Variants in CEP135 observed in about 807,000 individuals in gnomAD.
The protein encoded by CEP135 is centrosomal protein 135.
A neutral mutation model predicts 157.3 loss-of-function variants in CEP135; 142 were observed. The ratio of observed to expected loss-of-function variants is 0.90; its 90% CI spans 0.79 to 1.04. The LOEUF is 1.04. Ranked by LOEUF, CEP135 falls within the 50% of genes least tolerant of loss-of-function variation. CEP135 has a pLI of 0.00. For missense variants in CEP135, 1,317 were observed against 1,309.2 expected (o/e 1.01, Z -0.09); for synonymous variants, 396 against 439.8 (o/e 0.90, Z 1.25).
At chr4:56,011,012 T>C (rs958437418) in intron 19 of CEP135, among the ~76,000 whole-genome samples, 18 of 152,050 alleles carry the variant, frequency 1.2e-4, no homozygotes, top group African/African-American at 4.1e-4. Context: ...AGTGGGAGGA[T>C]TGCTTGAGCC....
chr4:56,011,557 AGG>A, intron 20 of CEP135, 35 bp downstream of exon 20: 1 of 1,320,630 alleles, frequency 7.6e-7, no homozygotes, highest in Non-Finnish European at 1.1e-6. Context: ...TTTAAGACTG[AGG>A]TTTTTTTTTT....
intron 1 of CEP135, among the ~76,000 whole-genome samples, chr4:55,949,534 A>G (rs1172057577): frequency 2.6e-5 from 4 of 152,174 alleles, no homozygotes; most frequent in Non-Finnish European, 4.4e-5. Flanking sequence ...TGAGTTCAAT[A>G]AGAAAGGACT....
chr4:56,020,891 A>C (rs1730953010), intron 24 of CEP135, 111 bp downstream of exon 24: 1 of 725,496 alleles, frequency 1.4e-6, no homozygotes, highest in South Asian at 2.2e-5. Context: ...AAGCTAATAC[A>C]TAAAGTACAT....
chr4:55,961,370 C>G (rs1728674125), intron 6 of CEP135, among the ~76,000 whole-genome samples: 1 of 152,172 alleles, frequency 6.6e-6, no homozygotes, highest in Non-Finnish European at 1.5e-5. Context: ...TGAGCTTACT[C>G]TGCTGCCTAT....
At chr4:55,971,476 T>C in intron 10 of CEP135, 68 bp downstream of exon 10, 1 of 1,394,176 alleles carries the variant, frequency 7.2e-7, no homozygotes, top group Non-Finnish European at 9.7e-7. Context: ...TTTTTCTTAG[T>C]AGATATTCAT....
At chr4:56,025,222 C>A (rs1731116838) in intron 25 of CEP135, among the ~76,000 whole-genome samples, 1 of 152,170 alleles carries the variant, frequency 6.6e-6, no homozygotes, top group Non-Finnish European at 1.5e-5. Context: ...CTCAAGCAGT[C>A]CTCCCACCTC....
intron 8 of CEP135, among the ~76,000 whole-genome samples, chr4:55,968,801 T>G (rs971207917): frequency 1.3e-5 from 2 of 152,112 alleles, no homozygotes; most frequent in African/African-American, 2.4e-5. Context: ...ACCCCAAAAT[T>G]TAAGGCCCAA....
chr4:55,953,047 G>T (rs1728406265), intron 2 of CEP135, 38 bp from the exon 3 acceptor site: 1 of 1,449,882 alleles, frequency 6.9e-7, no homozygotes, highest in South Asian at 1.4e-5. Flanking sequence ...GAAAGTTAAT[G>T]AAATATTTCC....
chr4:55,953,912 C>T (rs937263537), intron 3 of CEP135, among the ~76,000 whole-genome samples: 1 of 152,122 alleles, frequency 6.6e-6, no homozygotes. Context: ...CAGTAGAAAA[C>T]TTTATCTAAT....
chr4:55,992,139 T>A, intron 15 of CEP135, 54 bp downstream of exon 15: 1 of 1,541,438 alleles, frequency 6.5e-7, no homozygotes, highest in Non-Finnish European at 8.8e-7. Context: ...TTTGTGGTTA[T>A]GTAAAGTTTA....
intron 8 of CEP135, 22 bp downstream of exon 8, chr4:55,965,881 TTG>T: frequency 6.4e-7 from 1 of 1,568,666 alleles, no homozygotes; most frequent in Non-Finnish European, 8.8e-7. Flanking sequence ...TATGTGTAGA[TTG>T]TGAGAGTGTT....
chr4:55,959,938 A>T (rs1447273749), intron 6 of CEP135, 172 bp downstream of exon 6: 4 of 640,466 alleles, frequency 6.2e-6, no homozygotes, highest in Non-Finnish European at 1.1e-5. Flanking sequence ...GGCTTTACTT[A>T]CTTAGCCTGT....
intron 9 of CEP135, among the ~76,000 whole-genome samples, chr4:55,970,051 T>G (rs1193644947): frequency 6.6e-6 from 1 of 151,028 alleles, no homozygotes; most frequent in African/African-American, 2.4e-5. Context: ...TTTTTTTTTT[T>G]AGTAGAAATG....
chr4:56,002,120 T>G (rs1383438065), intron 17 of CEP135, among the ~76,000 whole-genome samples: 1 of 152,168 alleles, frequency 6.6e-6, no homozygotes. Flanking sequence ...CTGAATTTGC[T>G]TATCAGTTCC....
In CEP135 at chr4:56,005,135, G is replaced by C. The variant is rs371674999; in HGVS notation, c.2281-3192G>C. On this transcript the variant is annotated intron_variant, in intron 17 of 25. Transcript: ENST00000257287. ...TTAAAGAACTGACAACTTACCTTAG[G>C]TTACACACACACAATAAAAACAAAG... Among the ~76,000 whole-genome samples, 4 of 152,050 alleles carry C rather than the reference G, an allele frequency of 2.6e-5. No homozygotes were observed. In the East Asian group the frequency reaches 5.8e-4, roughly 22 times the overall value.
At chr4:55,984,357 T>C (rs1215612177) in intron 13 of CEP135, among the ~76,000 whole-genome samples, 1 of 152,214 alleles carries the variant, frequency 6.6e-6, no homozygotes, top group Admixed American at 6.5e-5. Flanking sequence ...CCAAACATCA[T>C]GTCTTTTGAT....
At chr4:55,967,666 A>C (rs561026686) in intron 8 of CEP135, among the ~76,000 whole-genome samples, 9 of 152,324 alleles carry the variant, frequency 5.9e-5, no homozygotes, top group Non-Finnish European at 1.2e-4. Flanking sequence ...AAAGTGTTCA[A>C]TTTATCCCAG....
chr4:56,025,998 C>T (rs985042522), intron 25 of CEP135, among the ~76,000 whole-genome samples: 9 of 151,804 alleles, frequency 5.9e-5, no homozygotes, highest in African/African-American at 2.2e-4. Flanking sequence ...CACTTGAGGT[C>T]AGGAGTTCAA....
intron 9 of CEP135, among the ~76,000 whole-genome samples, chr4:55,970,367 G>T (rs1475049909): frequency 6.6e-6 from 1 of 152,174 alleles, no homozygotes; most frequent in Non-Finnish European, 1.5e-5. Context: ...AAACTGGGTA[G>T]TCACCCAAAT....
Sources: allele counts gnomAD v4.1 joint callset (sites outside exome capture counted in the v4.1 genomes callset), GRCh38; gene constraint gnomAD v4.1.1; transcripts MANE v1.5; gene names NCBI Gene and HGNC (gene_info 2026-07-23, HGNC 2026-07-21).